Variants in VGLL4 observed in about 807,000 individuals in gnomAD.
VGLL4 encodes transcription cofactor vestigial-like protein 4.
A neutral mutation model predicts 21.0 loss-of-function variants in VGLL4; 7 were observed. The ratio of observed to expected loss-of-function variants is 0.33; its 90% CI spans 0.19 to 0.63. The LOEUF (loss-of-function observed/expected upper bound fraction) is 0.63, where lower values mean the gene tolerates loss of function less well. Ranked by LOEUF, VGLL4 falls within the 20% of genes least tolerant of loss-of-function variation. VGLL4 has a pLI of 0.78. For missense variants in VGLL4, 394 were observed against 425.7 expected (o/e 0.93, Z 0.66); for synonymous variants, 222 against 173.2 (o/e 1.28, Z -2.21).
At chr3:11,628,713 T>A (rs898180349) in intron 1 of VGLL4, among the ~76,000 whole-genome samples, 1 of 151,944 alleles carries the variant, frequency 6.6e-6, no homozygotes, top group Non-Finnish European at 1.5e-5. Context: ...CCAGCTATTC[T>A]GGAGGCTGAG....
chr3:11,601,768 T>C, intron 2 of VGLL4, 65 bp downstream of exon 2: 2 of 1,553,804 alleles, frequency 1.3e-6, no homozygotes, highest in South Asian at 1.2e-5. Context: ...TAGCACAAAG[T>C]TGCAAAACAA....
At position 11,558,572 on chromosome 3, in the gene VGLL4, G is replaced by A. The variant is rs1485935279; in HGVS notation, c.875C>T (p.Pro292Leu). The change falls in exon 5 of 5, where the codon CCC (proline) becomes CTC (leucine). Residue 292 changes from proline to leucine, a missense_variant. Coordinates refer to ENST00000430365, the MANE Select transcript of VGLL4 (RefSeq NM_001128219.3). ...GCGCTCCCTTCAGGAGACCACAGAG[G>A]GGGAGTGACTGTGGCTGACCATGTG... ...SAHMVSHSHS[P>L]SVVS 3.7e-6 allele frequency: 6 copies of A among 1,602,804 alleles called. No homozygotes were observed. The highest frequency in any genetic ancestry group is 5.1e-6 in the Non-Finnish European group (6 of 1,179,890).
chr3:11,635,918 TAGAGA>T (rs1403623942), intron 1 of VGLL4, among the ~76,000 whole-genome samples: 1 of 152,196 alleles, frequency 6.6e-6, no homozygotes. Flanking sequence ...TTTTAAGCAT[TAGAGA>T]AGAGGTCATA....
In VGLL4 at chr3:11,558,507, G is replaced by C. The variant is rs1388471088; in HGVS notation, c.*49C>G. On this transcript the variant is annotated 3_prime_UTR_variant, in exon 5 of 5. Coordinates refer to ENST00000430365, the MANE Select transcript of VGLL4 (RefSeq NM_001128219.3). ...TTTTTTTAAGTACTGACTGTTCAAA[G>C]CTCAGGCAAACCATGCAGATCCACG... The C allele has an allele frequency of 1.6e-6, 2 of 1,257,856 alleles. No homozygotes were observed. The highest frequency in any genetic ancestry group is 2.1e-6 in the Non-Finnish European group (2 of 947,496). The allele number at this position is 1,257,856 out of a possible 1,614,324, so 77.9% of individuals were successfully genotyped here. A position where few individuals can be genotyped will look rare whatever the true frequency, so the allele number is the denominator to read the frequency against.
At chr3:11,638,387 C>T (rs1352630371) in intron 1 of VGLL4, among the ~76,000 whole-genome samples, 1 of 152,018 alleles carries the variant, frequency 6.6e-6, no homozygotes, top group Non-Finnish European at 1.5e-5. Context: ...AGGGTGGGAG[C>T]TGGAAGGAAG....
At chr3:11,716,966 A>C (rs935637202) in intron 1 of VGLL4, among the ~76,000 whole-genome samples, 2 of 152,040 alleles carry the variant, frequency 1.3e-5, no homozygotes, top group Non-Finnish European at 2.9e-5. Flanking sequence ...AAATTTCTTA[A>C]CTCACACACA....
At chr3:11,645,319 GGT>G (rs1410074034), upstream of VGLL4, among the ~76,000 whole-genome samples, 1 of 151,788 alleles carries the variant, frequency 6.6e-6, no homozygotes, top group African/African-American at 2.4e-5. Context: ...GGCCAGGCGC[GGT>G]GGCTCACGCC....
chr3:11,599,483 A>G (rs1398310358), intron 2 of VGLL4, among the ~76,000 whole-genome samples: 1 of 139,376 alleles, frequency 7.2e-6, no homozygotes, highest in Non-Finnish European at 1.5e-5. Flanking sequence ...CCGTACCTCA[A>G]AGTCTTATTT....
At chr3:11,693,436 G>A (rs1002202219) in intron 2 of VGLL4, among the ~76,000 whole-genome samples, 3 of 152,166 alleles carry the variant, frequency 2.0e-5, no homozygotes, top group African/African-American at 4.8e-5. Context: ...CAGGATTCTC[G>A]TCCTCAACAG....
intron 2 of VGLL4, among the ~76,000 whole-genome samples, chr3:11,575,466 T>G (rs558045243): frequency 6.6e-6 from 1 of 152,258 alleles, no homozygotes; most frequent in African/African-American, 2.4e-5. Context: ...CCCCTCTCTC[T>G]CCTTGAGACT....
chr3:11,558,849 G>C (rs1243588278), intron 4 of VGLL4, 22 bp from the exon 5 acceptor site: 1 of 1,607,770 alleles, frequency 6.2e-7, no homozygotes, highest in Non-Finnish European at 8.5e-7. Flanking sequence ...CAGGAAGGCA[G>C]GCAGTCAGAC....
intron 1 of VGLL4, among the ~76,000 whole-genome samples, chr3:11,703,307 T>C (rs1021392372): frequency 4.6e-5 from 7 of 152,234 alleles, no homozygotes; most frequent in Non-Finnish European, 8.8e-5. Flanking sequence ...ATATTGTGAA[T>C]ATTCATGCCC....
chr3:11,576,894 C>G (rs1195816342), intron 2 of VGLL4, among the ~76,000 whole-genome samples: 2 of 152,248 alleles, frequency 1.3e-5, no homozygotes, highest in African/African-American at 4.8e-5. Flanking sequence ...CTAGACACCC[C>G]TGGAGGGAAA....
chr3:11,606,695 T>C (rs924586903), intron 1 of VGLL4, among the ~76,000 whole-genome samples: 1 of 152,130 alleles, frequency 6.6e-6, no homozygotes, highest in African/African-American at 2.4e-5. Flanking sequence ...CAGCTCTCTG[T>C]GGGTAGCTAA....
intron 2 of VGLL4, among the ~76,000 whole-genome samples, chr3:11,689,191 T>C (rs1176919099): frequency 6.6e-6 from 1 of 152,190 alleles, no homozygotes; most frequent in East Asian, 1.9e-4. Context: ...AGGGTGTTCC[T>C]TTGGCTCACT....
chr3:11,678,089 T>G (rs1189184439), intron 2 of VGLL4, among the ~76,000 whole-genome samples: 3 of 152,050 alleles, frequency 2.0e-5, no homozygotes, highest in Non-Finnish European at 4.4e-5. Context: ...AGTCTCACTC[T>G]GTCGCCCAGG....
intron 2 of VGLL4, among the ~76,000 whole-genome samples, chr3:11,596,817 T>C (rs1006540553): frequency 6.6e-6 from 1 of 152,160 alleles, no homozygotes; most frequent in Non-Finnish European, 1.5e-5. Flanking sequence ...AAATCAAGTC[T>C]AGAAGCAATG....
Position 11,565,105 on chromosome 3 carries a change from A to G in VGLL4, c.273-86T>C, listed in dbSNP as rs2125132575. The G allele has an allele frequency of 7.8e-7, 1 of 1,279,556 alleles. No individual in the cohort carries two copies. Among genetic ancestry groups the G allele is most frequent in the Non-Finnish European group, 1.0e-6 (1 of 981,974 alleles). 79.3% of individuals were successfully genotyped at this position (1,279,556 alleles called of 1,614,324 possible). On this transcript the variant is annotated intron_variant, in intron 2 of 4. Transcript: ENST00000430365. The surrounding 1 kb of genome is among the most constrained non-coding windows in gnomAD (Gnocchi z 4.1). ...GTGCGCCAGGCACTCCGTGTTGCTT[A>G]TTTAATTTTTTACCCTGAAGCTCAG...
At chr3:11,585,294 C>T (rs1399984671) in intron 2 of VGLL4, among the ~76,000 whole-genome samples, 1 of 151,888 alleles carries the variant, frequency 6.6e-6, no homozygotes, top group Non-Finnish European at 1.5e-5. Flanking sequence ...AAATTAGCCT[C>T]ATGTGGTGGC....
Sources: gnomAD v4.1 joint callset for allele counts (sites outside exome capture counted in the v4.1 genomes callset) on GRCh38, gnomAD v4.1.1 for gene constraint, Gnocchi (gnomAD v3.1) non-coding constraint, MANE v1.5 for transcripts, NCBI Gene and HGNC (gene_info 2026-07-23, HGNC 2026-07-21) for gene names.